SEMA3E: variants seen among roughly 807,000 people sequenced by gnomAD.
The protein encoded by SEMA3E is semaphorin 3E.
In SEMA3E, 49 loss-of-function variants were observed where a neutral mutation model predicts 93.6. The observed-to-expected ratio is 0.52, with a 90% confidence interval of 0.42 to 0.66. The LOEUF is 0.66. Among genes scored for constraint, SEMA3E ranks in the 30% least tolerant of loss-of-function variants. SEMA3E has a pLI of 0.00. For missense variants in SEMA3E, 906 were observed against 964.8 expected (o/e 0.94, Z 0.81); for synonymous variants, 363 against 330.7 (o/e 1.10, Z -1.06).
At chr7:83,509,010 A>C (rs1790759375) in intron 1 of SEMA3E, among the ~76,000 whole-genome samples, 1 of 152,170 alleles carries the variant, frequency 6.6e-6, no homozygotes, top group Admixed American at 6.5e-5. Flanking sequence ...TGTAATTTGA[A>C]GGGGGAACAT....
At chr7:83,435,746 C>T (rs909259092) in intron 4 of SEMA3E, among the ~76,000 whole-genome samples, 4 of 152,124 alleles carry the variant, frequency 2.6e-5, no homozygotes, top group Admixed American at 6.5e-5. Context: ...GTAACATCTT[C>T]GTCTATAGTT....
At chr7:83,605,611 G>T (rs1793099154) in intron 1 of SEMA3E, among the ~76,000 whole-genome samples, 1 of 151,940 alleles carries the variant, frequency 6.6e-6, no homozygotes, top group Non-Finnish European at 1.5e-5. Flanking sequence ...TGTATTTTTA[G>T]TAGAGTTGGG....
intron 1 of SEMA3E, among the ~76,000 whole-genome samples, chr7:83,532,608 C>T (rs1791323671): frequency 6.6e-6 from 1 of 152,082 alleles, no homozygotes; most frequent in African/African-American, 2.4e-5. Flanking sequence ...AATCTTGAAA[C>T]CTGGGATCAA....
At chr7:83,425,268 G>C (rs1436742351) in intron 4 of SEMA3E, among the ~76,000 whole-genome samples, 3 of 151,804 alleles carry the variant, frequency 2.0e-5, no homozygotes, top group African/African-American at 7.3e-5. Flanking sequence ...CCTGGAACTA[G>C]AAACACAGCA....
chr7:83,572,852 A>T (rs1332753505), intron 1 of SEMA3E, among the ~76,000 whole-genome samples: 1 of 152,160 alleles, frequency 6.6e-6, no homozygotes, highest in Non-Finnish European at 1.5e-5. Context: ...TCTATTTTTT[A>T]TCATATACAA....
rs189279497 is a variant in SEMA3E, at chr7:83,434,155, T to C, written c.457-15672A>G. On this transcript the variant is annotated intron_variant, in intron 4 of 16. Transcript: ENST00000643230. ...AAATTTTAAATTCTAACAACACATTTGAGAAACTTTCCGTCAAATGAACAC... is the reference window on the plus strand; with the variant it reads ...AAATTTTAAATTCTAACAACACATTCGAGAAACTTTCCGTCAAATGAACAC... 2.1e-4 allele frequency among the ~76,000 whole-genome samples: 32 copies of C among 152,190 alleles called. No homozygotes were observed. The East Asian group carries it at 6.2e-3, about 29-fold the overall frequency.
At chr7:83,470,698 T>C (rs2115896327) in intron 2 of SEMA3E, among the ~76,000 whole-genome samples, 1 of 152,264 alleles carries the variant, frequency 6.6e-6, no homozygotes, top group East Asian at 1.9e-4. Flanking sequence ...TTTTTGTGCA[T>C]ATATTTCTAA....
chr7:83,436,063 T>C (rs139401458), intron 4 of SEMA3E, among the ~76,000 whole-genome samples: 9 of 152,250 alleles, frequency 5.9e-5, no homozygotes, highest in African/African-American at 2.2e-4. Flanking sequence ...GTGGGGACCA[T>C]AATATCAATA....
At chr7:83,388,808 CT>C (rs5885347) in intron 14 of SEMA3E, among the ~76,000 whole-genome samples, 24 of 141,124 alleles carry the variant, frequency 1.7e-4, no homozygotes, top group Non-Finnish European at 2.1e-4. Context: ...CTATTTCAGT[CT>C]TTTTTTTTTT....
rs375058710 is a variant in SEMA3E, at chr7:83,494,676, G to A, written c.116-4402C>T. ...AGAAGATGCTGCATCTTTGCTTCTT[G>A]CTTCTCTTAATGCCACCGCTTCACT... On this transcript the variant is annotated intron_variant, in intron 1 of 16. Coordinates refer to ENST00000643230, the MANE Select transcript of SEMA3E (RefSeq NM_012431.3). Among the ~76,000 whole-genome samples the A allele has an allele frequency of 4.6e-5, 7 of 151,994 alleles. No homozygotes were observed. The East Asian group carries it at 5.8e-4, about 13-fold the overall frequency.
intron 1 of SEMA3E, among the ~76,000 whole-genome samples, chr7:83,538,393 T>G (rs9632777): frequency 0.088 from 13,425 of 152,114 alleles, 2,009 homozygotes; most frequent in African/African-American, 0.31. Flanking sequence ...AGGCATGAGG[T>G]GTATCTTATT....
At chr7:83,467,787 G>C (rs999879237) in intron 3 of SEMA3E, among the ~76,000 whole-genome samples, 1 of 152,112 alleles carries the variant, frequency 6.6e-6, no homozygotes, top group Non-Finnish European at 1.5e-5. Context: ...TCTATTTTAC[G>C]CATCTCGGCA....
At chr7:83,458,162 A>G (rs1789529400) in intron 4 of SEMA3E, among the ~76,000 whole-genome samples, 1 of 151,662 alleles carries the variant, frequency 6.6e-6, no homozygotes, top group African/African-American at 2.4e-5. Flanking sequence ...TCATATTTAA[A>G]GATTCTAATA....
intron 1 of SEMA3E, among the ~76,000 whole-genome samples, chr7:83,516,848 C>T (rs1790937579): frequency 6.6e-6 from 1 of 151,522 alleles, no homozygotes; most frequent in African/African-American, 2.4e-5. Flanking sequence ...TTACCAGTAC[C>T]TTCCAGGGAA....
chr7:83,443,748 A>G (rs1344480684), intron 4 of SEMA3E, among the ~76,000 whole-genome samples: 1 of 152,072 alleles, frequency 6.6e-6, no homozygotes, highest in Non-Finnish European at 1.5e-5. Flanking sequence ...GAGTATTCAA[A>G]TATTTGAACA....
intron 1 of SEMA3E, among the ~76,000 whole-genome samples, chr7:83,498,292 A>T (rs768856890): frequency 1.3e-5 from 2 of 152,164 alleles, no homozygotes; most frequent in Non-Finnish European, 2.9e-5. Context: ...CCTAACTCCC[A>T]AGTTGTTCAA....
chr7:83,368,359 A>G (rs1217590868), intron 16 of SEMA3E, among the ~76,000 whole-genome samples: 4 of 152,180 alleles, frequency 2.6e-5, no homozygotes, highest in Non-Finnish European at 5.9e-5. Flanking sequence ...TAGAAAAAAT[A>G]CATTTCAATA....
intron 14 of SEMA3E, among the ~76,000 whole-genome samples, chr7:83,387,528 C>A (rs904434952): frequency 6.6e-6 from 1 of 151,898 alleles, no homozygotes; most frequent in African/African-American, 2.4e-5. Context: ...CCATTATAAT[C>A]AATTAGTACA....
At position 83,407,196 on chromosome 7, in the gene SEMA3E, G is replaced by A. The variant is rs770701467; in HGVS notation, c.714C>T (p.Asp238=). ...AGAAATATACTTTGTTGTCATCTCTGTCTTCATTGTCAGGAATCATGTATG... is the reference window on the plus strand; with the variant it reads ...AGAAATATACTTTGTTGTCATCTCTATCTTCATTGTCAGGAATCATGTATG... The part of the protein sequence containing the change: ...VGSYMIPDNE[D]RDDNKVYFFF... The change falls in exon 7 of 17, where the codon GAC becomes GAT. Residue 238 remains aspartate (D), a synonymous_variant. Coordinates refer to ENST00000643230, the MANE Select transcript of SEMA3E (RefSeq NM_012431.3). The A allele has an allele frequency of 3.7e-6, 6 of 1,613,132 alleles. No homozygotes were observed. Among genetic ancestry groups the A allele is most frequent in the Non-Finnish European group, 2.5e-6 (3 of 1,179,678 alleles).
Sources: gnomAD v4.1 joint callset for allele counts (sites outside exome capture counted in the v4.1 genomes callset) on GRCh38, gnomAD v4.1.1 for gene constraint, MANE v1.5 for transcripts, NCBI Gene and HGNC (gene_info 2026-07-23, HGNC 2026-07-21) for gene names.